Variants in GRHL3 observed in about 807,000 individuals in gnomAD.
The protein encoded by GRHL3 is grainyhead-like protein 3 homolog.
A neutral mutation model predicts 70.3 loss-of-function variants in GRHL3; 20 were observed. The ratio of observed to expected loss-of-function variants is 0.28; its 90% CI spans 0.20 to 0.41. The LOEUF (loss-of-function observed/expected upper bound fraction) is 0.41. GRHL3 is among the 10% of genes least tolerant of loss of function. The probability of loss-of-function intolerance (pLI) is 1.00; values close to 1 mark genes in which losing one functional copy is unlikely to be tolerated. For missense variants in GRHL3, 637 were observed against 762.3 expected (o/e 0.84, Z 1.94); for synonymous variants, 299 against 299.9 (o/e 1.00, Z 0.03).
chr1:24,346,738 C>A, intron 13 of GRHL3, 97 bp downstream of exon 13: 2 of 888,078 alleles, frequency 2.3e-6, no homozygotes, highest in Non-Finnish European at 3.6e-6. Flanking sequence ...GGGCACGAGG[C>A]GCTGCCTTAC....
downstream of GRHL3, chr1:24,357,447 C>A (rs1174064974): frequency 6.6e-6 from 1 of 152,580 alleles, no homozygotes; most frequent in Admixed American, 6.5e-5. Context: ...CTCCTGCCTC[C>A]CCACTGCCCA....
At chr1:24,337,597 G>T in intron 5 of GRHL3, 39 bp from the exon 6 acceptor site, 1 of 1,609,704 alleles carries the variant, frequency 6.2e-7, no homozygotes. Context: ...CTTCCTGCCT[G>T]GGAGCCCAGC....
chr1:24,345,513 T>C (rs1640243739), intron 12 of GRHL3, among the ~76,000 whole-genome samples: 1 of 151,764 alleles, frequency 6.6e-6, no homozygotes, highest in Non-Finnish European at 1.5e-5. Flanking sequence ...ATGTGAAAAG[T>C]CGGCGAATCT....
chr1:24,354,154 T>C (rs1056432559), intron 15 of GRHL3, among the ~76,000 whole-genome samples: 15 of 151,698 alleles, frequency 9.9e-5, no homozygotes, highest in African/African-American at 3.2e-4. Context: ...CCAGCAGGCC[T>C]GGGTTGGGTT....
At chr1:24,353,292 T>A (rs938568965) in intron 15 of GRHL3, among the ~76,000 whole-genome samples, 1 of 152,138 alleles carries the variant, frequency 6.6e-6, no homozygotes, top group Non-Finnish European at 1.5e-5. Flanking sequence ...CATCTCCATA[T>A]GGTCCTTGTT....
intron 14 of GRHL3, among the ~76,000 whole-genome samples, chr1:24,349,751 C>T (rs1640430800): frequency 6.6e-6 from 1 of 152,130 alleles, no homozygotes; most frequent in Non-Finnish European, 1.5e-5. Context: ...TTTGTTGTGA[C>T]ATAGGAAGGC....
chr1:24,359,997 A>C (rs1640989373), downstream of GRHL3, among the ~76,000 whole-genome samples: 1 of 152,160 alleles, frequency 6.6e-6, no homozygotes, highest in Non-Finnish European at 1.5e-5. This position sits in a 1 kb window ranked among gnomAD's most constrained non-coding sequence, Gnocchi z 5.3. Flanking sequence ...GTCCCTGGTT[A>C]ATTTCATGAA....
At chr1:24,332,114 G>A (rs1288934685) in intron 2 of GRHL3, among the ~76,000 whole-genome samples, 1 of 152,054 alleles carries the variant, frequency 6.6e-6, no homozygotes, top group African/African-American at 2.4e-5. Context: ...TTTTGCCCCT[G>A]TCCTCGGATC....
At chr1:24,344,752 C>A in intron 11 of GRHL3, 145 bp from the exon 12 acceptor site, 3 of 858,426 alleles carry the variant, frequency 3.5e-6, no homozygotes, top group South Asian at 1.5e-5. Context: ...GGGCACTTGT[C>A]TGAGCAGAAT....
Position 24,360,994 on chromosome 1 carries a change from G to A in GRHL3, c.1695-3191G>A, listed in dbSNP as rs565096415. On this transcript the variant is annotated intron_variant, in intron 15 of 15. Transcript: ENST00000350501. ...ACCAGGACCTGGGAAAGGTGGCTTC[G>A]GAGGCAGAGGCGAAGGCTGAGCAGA... 21 of 1,613,520 alleles carry A rather than the reference G, an allele frequency of 1.3e-5. No homozygotes were observed. Among genetic ancestry groups the A allele is most frequent in the Admixed American group, 5.0e-5 (3 of 59,890 alleles).
At chr1:24,357,087 C>T (rs1467849099), downstream of GRHL3, 3 of 132,144 alleles carry the variant, frequency 2.3e-5, no homozygotes, top group African/African-American at 8.5e-5. Flanking sequence ...AACAAAACAT[C>T]ACAGTTTTAA....
At chr1:24,358,215 C>T, downstream of GRHL3, 1 of 560,462 alleles carries the variant, frequency 1.8e-6, no homozygotes, top group Non-Finnish European at 3.4e-6. Context: ...TTCAGGAGTC[C>T]CTTCAGTCTG....
At chr1:24,363,342 G>A (rs1641245390) in intron 15 of GRHL3, among the ~76,000 whole-genome samples, 2 of 152,196 alleles carry the variant, frequency 1.3e-5, no homozygotes, top group African/African-American at 4.8e-5. Flanking sequence ...CCATGTGTGG[G>A]ATTCTGGGCC....
At chr1:24,340,674 A>G (rs1640003226) in intron 8 of GRHL3, among the ~76,000 whole-genome samples, 1 of 152,112 alleles carries the variant, frequency 6.6e-6, no homozygotes, top group Non-Finnish European at 1.5e-5. Flanking sequence ...TGGCCTGGAG[A>G]GGCTGGGGAG....
intron 15 of GRHL3, 62 bp from the exon 16 acceptor site, chr1:24,354,312 C>T: frequency 8.6e-7 from 1 of 1,168,972 alleles, no homozygotes; most frequent in Non-Finnish European, 1.3e-6. Context: ...ATCCTGGTCA[C>T]TCAGAAGGCC....
intron 3 of GRHL3, among the ~76,000 whole-genome samples, chr1:24,335,262 G>C (rs917174971): frequency 3.3e-5 from 5 of 152,194 alleles, no homozygotes; most frequent in Non-Finnish European, 5.9e-5. Flanking sequence ...GGGACATCTG[G>C]GTTCCCATAC....
At chr1:24,325,832 C>A (rs892461469) in intron 1 of GRHL3, among the ~76,000 whole-genome samples, 1 of 152,228 alleles carries the variant, frequency 6.6e-6, no homozygotes, top group Non-Finnish European at 1.5e-5. Context: ...CCCCTGAGCT[C>A]CTCTCTCTTG....
chr1:24,326,182 C>T (rs528986495), intron 1 of GRHL3, among the ~76,000 whole-genome samples: 12 of 152,306 alleles, frequency 7.9e-5, no homozygotes, highest in African/African-American at 2.4e-4. Context: ...GCTGGCTTTC[C>T]TTAAAACAAG....
At position 24,342,096 on chromosome 1, in the gene GRHL3, C is replaced by T. The variant is rs776627682; in HGVS notation, c.1048-19C>T. The T allele has an allele frequency of 1.9e-5, 29 of 1,537,582 alleles. No individual in the cohort carries two copies. The highest frequency in any genetic ancestry group is 2.3e-5 in the East Asian group (1 of 43,896). On this transcript the variant is annotated intron_variant, in intron 8 of 15. Coordinates refer to ENST00000361548, the MANE Select transcript of GRHL3 (RefSeq NM_198173.3). The surrounding 1 kb of genome is among the most constrained non-coding windows in gnomAD (Gnocchi z 4.8). ...CCACCTGGGCAGGCCACTTACCCAG[C>T]GGCCCCCTCTGTCTCCAGGTGTTCA...
Sources: allele counts gnomAD v4.1 joint callset (sites outside exome capture counted in the v4.1 genomes callset), GRCh38; gene constraint gnomAD v4.1.1; non-coding constraint Gnocchi (gnomAD v3.1); transcripts MANE v1.5; gene names NCBI Gene and HGNC (gene_info 2026-07-23, HGNC 2026-07-21).